NUBPL: variants seen among roughly 807,000 people sequenced by gnomAD.
The protein encoded by NUBPL is NUBP iron-sulfur cluster assembly factor, mitochondrial, also known as iron-sulfur cluster transfer protein NUBPL.
Under a neutral mutation model 45.7 loss-of-function variants are expected in NUBPL, and 31 were observed. That is an observed-to-expected ratio of 0.68 (90% confidence interval 0.51 to 0.92). The LOEUF is 0.92. NUBPL is among the 40% of genes least tolerant of loss of function. The pLI, the probability that NUBPL is intolerant of heterozygous loss-of-function variation, is 0.00. For synonymous variants in NUBPL, 144 were observed against 140.9 expected, an observed-to-expected ratio of 1.02 and a Z score of -0.15; for missense variants, 401 against 398.7, an observed-to-expected ratio of 1.01 and a Z score of -0.05.
At chr14:31,825,538 T>C (rs1242229571) in intron 7 of NUBPL, among the ~76,000 whole-genome samples, 1 of 151,698 alleles carries the variant, frequency 6.6e-6, no homozygotes, top group African/African-American at 2.4e-5. Context: ...GCATATGGTA[T>C]TGTAATGCTT....
intron 10 of NUBPL, among the ~76,000 whole-genome samples, chr14:31,850,534 T>A (rs2040522254): frequency 6.6e-6 from 1 of 152,200 alleles, no homozygotes; most frequent in African/African-American, 2.4e-5. Flanking sequence ...TATTAGAAGT[T>A]CAACTGATTG....
At chr14:31,831,508 CATACCATACT>C (rs1462388733) in intron 8 of NUBPL, among the ~76,000 whole-genome samples, 74 of 151,858 alleles carry the variant, frequency 4.9e-4, no homozygotes, top group African/African-American at 1.4e-3. Context: ...CATACCATAC[CATACCATACT>C]ATACTCATAC....
intron 4 of NUBPL, 27 bp downstream of exon 4, chr14:31,599,406 A>G: frequency 6.7e-7 from 1 of 1,484,922 alleles, no homozygotes; most frequent in Non-Finnish European, 9.4e-7. Context: ...TAAATATTAT[A>G]ATAATAGTTG....
At chr14:31,601,840 A>G (rs575337605) in intron 4 of NUBPL, among the ~76,000 whole-genome samples, 1 of 152,278 alleles carries the variant, frequency 6.6e-6, no homozygotes, top group Admixed American at 6.5e-5. Context: ...GCGATTCCTC[A>G]GGGATCTAGA....
At chr14:31,762,325 T>C (rs148857793) in intron 6 of NUBPL, among the ~76,000 whole-genome samples, 3 of 152,318 alleles carry the variant, frequency 2.0e-5, no homozygotes, top group African/African-American at 2.4e-5. Context: ...ACCTATAAAA[T>C]TGATTAGGAA....
At chr14:31,653,180 G>A (rs1470551244) in intron 4 of NUBPL, among the ~76,000 whole-genome samples, 1 of 152,186 alleles carries the variant, frequency 6.6e-6, no homozygotes, top group Non-Finnish European at 1.5e-5. Flanking sequence ...AATTACTGAT[G>A]AGGTTCTATG....
chr14:31,688,032 T>G (rs999350787), intron 6 of NUBPL, among the ~76,000 whole-genome samples: 1 of 152,226 alleles, frequency 6.6e-6, no homozygotes, highest in Admixed American at 6.5e-5. Flanking sequence ...AAAATGCAGC[T>G]TATATATGAG....
At chr14:31,824,915 G>T (rs1251379361) in intron 7 of NUBPL, among the ~76,000 whole-genome samples, 3 of 151,834 alleles carry the variant, frequency 2.0e-5, no homozygotes, top group Admixed American at 2.0e-4. Context: ...TATTTTTTAG[G>T]TTATCATCTA....
chr14:31,776,308 C>T (rs759764414), intron 6 of NUBPL, among the ~76,000 whole-genome samples: 12 of 152,142 alleles, frequency 7.9e-5, no homozygotes, highest in East Asian at 1.9e-4. Flanking sequence ...TCATTGCTTT[C>T]GTGGCTCCTT....
intron 4 of NUBPL, among the ~76,000 whole-genome samples, chr14:31,650,905 G>C (rs577947405): frequency 6.6e-6 from 1 of 152,086 alleles, no homozygotes; most frequent in African/African-American, 2.4e-5. Flanking sequence ...GAATCAAGGA[G>C]GGCAGCAAGG....
intron 7 of NUBPL, among the ~76,000 whole-genome samples, chr14:31,798,991 C>A (rs1258320812): frequency 6.6e-6 from 1 of 151,764 alleles, no homozygotes; most frequent in Non-Finnish European, 1.5e-5. Context: ...ACTACAGGAA[C>A]ACTATCAAAA....
chr14:31,715,383 C>A (rs1193607309), intron 6 of NUBPL, among the ~76,000 whole-genome samples: 1 of 152,124 alleles, frequency 6.6e-6, no homozygotes, highest in Non-Finnish European at 1.5e-5. Context: ...TGGATATTTT[C>A]TGAGAAATTT....
chr14:31,692,697 A>G (rs953338839), intron 6 of NUBPL, among the ~76,000 whole-genome samples: 2 of 152,250 alleles, frequency 1.3e-5, no homozygotes, highest in Non-Finnish European at 1.5e-5. Context: ...TTCCCTGACA[A>G]TGGAATTTCA....
intron 8 of NUBPL, among the ~76,000 whole-genome samples, chr14:31,829,262 T>TC (rs1234977152): frequency 6.6e-6 from 1 of 152,018 alleles, no homozygotes; most frequent in African/African-American, 2.4e-5. Flanking sequence ...ATTACAGCTC[T>TC]CTTTTTTTTT....
At chr14:31,588,612 A>G (rs898798463) in intron 3 of NUBPL, among the ~76,000 whole-genome samples, 1 of 151,552 alleles carries the variant, frequency 6.6e-6, no homozygotes, top group Non-Finnish European at 1.5e-5. Context: ...TTTTTTTTAA[A>G]TCCTTAAAAA....
At position 31,605,715 on chromosome 14, in the gene NUBPL, CTTCTTCT is replaced by C. The variant is rs1426992809; in HGVS notation, c.382+6352_382+6358del. Among the ~76,000 whole-genome samples, 215 of 151,924 alleles carry C rather than the reference CTTCTTCT, an allele frequency of 1.4e-3. 1 individual carries two copies. Among genetic ancestry groups the C allele is most frequent in the African/African-American group, 4.1e-3 (170 of 41,394 alleles). On this transcript the variant is annotated intron_variant, in intron 4 of 10. Transcript: ENST00000281081. ...GAGATCTTCTGCTTCTTTCTTCTTTCTTCTTCTTTCTTCTTTCTTCTTCTTCTTCTTC... is the reference window on the plus strand; with the variant it reads ...GAGATCTTCTGCTTCTTTCTTCTTTCTTCTTCTTTCTTCTTCTTCTTCTTC...
chr14:31,563,455 A>G (rs1200774561), intron 2 of NUBPL, among the ~76,000 whole-genome samples: 2 of 152,236 alleles, frequency 1.3e-5, no homozygotes, highest in African/African-American at 4.8e-5. Context: ...GTGCTTCAGT[A>G]AATGTCCCTT....
chr14:31,668,154 T>C (rs2036482004), intron 4 of NUBPL, among the ~76,000 whole-genome samples: 1 of 152,208 alleles, frequency 6.6e-6, no homozygotes, highest in South Asian at 2.1e-4. Flanking sequence ...TGAAGCTGCA[T>C]CCACAGCTGC....
intron 3 of NUBPL, among the ~76,000 whole-genome samples, chr14:31,565,274 T>G (rs960348030): frequency 1.3e-5 from 2 of 152,172 alleles, no homozygotes; most frequent in African/African-American, 4.8e-5. Context: ...CACAAGAGGC[T>G]TTGATGTTCT....
Sources: allele counts gnomAD v4.1 joint callset (sites outside exome capture counted in the v4.1 genomes callset), GRCh38; gene constraint gnomAD v4.1.1; transcripts MANE v1.5; gene names NCBI Gene and HGNC (gene_info 2026-07-23, HGNC 2026-07-21).